Variants in NEGR1 observed in about 807,000 individuals in gnomAD.
The protein encoded by NEGR1 is neuronal growth regulator 1.
A neutral mutation model predicts 40.9 loss-of-function variants in NEGR1; 10 were observed. The ratio of observed to expected loss-of-function variants is 0.24; its 90% CI spans 0.15 to 0.42. The LOEUF (loss-of-function observed/expected upper bound fraction) is 0.42. NEGR1 is among the 10% of genes least tolerant of loss of function. The pLI is 1.00. For missense variants in NEGR1, 352 were observed against 438.9 expected, an observed-to-expected ratio of 0.80 and a Z score of 1.77; for synonymous variants, 185 against 166.8, an observed-to-expected ratio of 1.11 and a Z score of -0.84.
At chr1:72,003,057 A>G (rs1242252321) in intron 1 of NEGR1, among the ~76,000 whole-genome samples, 1 of 152,152 alleles carries the variant, frequency 6.6e-6, no homozygotes. Flanking sequence ...AGCAAATTAA[A>G]ACCAAAAAAC....
intron 3 of NEGR1, among the ~76,000 whole-genome samples, chr1:71,748,786 A>C (rs758241340): frequency 6.6e-6 from 1 of 152,164 alleles, no homozygotes; most frequent in Admixed American, 6.5e-5. Context: ...GGCATGAAAA[A>C]ATGGACAGTG....
chr1:71,760,154 T>C (rs958870964), intron 3 of NEGR1, among the ~76,000 whole-genome samples: 1 of 152,076 alleles, frequency 6.6e-6, no homozygotes, highest in Non-Finnish European at 1.5e-5. Context: ...TAAAATTCCA[T>C]AAGAAAAAAA....
intron 3 of NEGR1, among the ~76,000 whole-genome samples, chr1:71,705,301 G>A (rs1653851453): frequency 6.6e-6 from 1 of 151,894 alleles, no homozygotes; most frequent in Non-Finnish European, 1.5e-5. Context: ...CGATTTAGAA[G>A]GAAACAAAGA....
At chr1:71,476,736 A>G (rs1451805164) in intron 6 of NEGR1, 2 of 152,068 alleles carry the variant, frequency 1.3e-5, no homozygotes, top group Non-Finnish European at 2.9e-5. Flanking sequence ...GTTACATATT[A>G]ATACTGGGAC....
chr1:71,765,556 T>G (rs1656092111), intron 3 of NEGR1, among the ~76,000 whole-genome samples: 1 of 152,088 alleles, frequency 6.6e-6, no homozygotes, highest in South Asian at 2.1e-4. Flanking sequence ...CCACAATTAC[T>G]TTTGCACCAA....
intron 4 of NEGR1, among the ~76,000 whole-genome samples, chr1:71,686,543 A>G (rs548734290): frequency 6.6e-6 from 1 of 152,286 alleles, no homozygotes; most frequent in East Asian, 1.9e-4. Context: ...GAAGTTTTAT[A>G]GGCCTTGCCT....
At chr1:71,610,957 T>C in intron 5 of NEGR1, 69 bp downstream of exon 5, 1 of 1,519,040 alleles carries the variant, frequency 6.6e-7, no homozygotes, top group Admixed American at 1.8e-5. Flanking sequence ...TTGCCTAAAG[T>C]AAGTATCTGA....
chr1:71,780,992 A>T (rs746127989), intron 2 of NEGR1, among the ~76,000 whole-genome samples: 2 of 152,204 alleles, frequency 1.3e-5, no homozygotes, highest in Non-Finnish European at 2.9e-5. Flanking sequence ...ATTTTGGATT[A>T]TTCTCCACTG....
intron 4 of NEGR1, among the ~76,000 whole-genome samples, chr1:71,649,660 T>C (rs1447905608): frequency 6.6e-6 from 1 of 152,170 alleles, no homozygotes. Flanking sequence ...TATTTTTCTC[T>C]TTATTCTGTA....
chr1:71,931,073 AC>A (rs1195727741), intron 2 of NEGR1, among the ~76,000 whole-genome samples: 23 of 152,252 alleles, frequency 1.5e-4, no homozygotes, highest in African/African-American at 4.8e-4. Flanking sequence ...AAATAAGCCC[AC>A]CCTTGATAAG....
At chr1:71,883,901 T>C (rs1176557226) in intron 2 of NEGR1, among the ~76,000 whole-genome samples, 1 of 152,104 alleles carries the variant, frequency 6.6e-6, no homozygotes, top group Non-Finnish European at 1.5e-5. Context: ...AAAACACCAA[T>C]TGTCATTGTT....
intron 4 of NEGR1, among the ~76,000 whole-genome samples, chr1:71,646,691 C>T (rs1651542014): frequency 1.3e-5 from 2 of 151,770 alleles, no homozygotes; most frequent in Non-Finnish European, 2.9e-5. Flanking sequence ...CAAGCCATAA[C>T]TGAGTCTGTT....
chr1:71,793,865 A>G (rs1052864239), intron 2 of NEGR1, among the ~76,000 whole-genome samples: 2 of 152,178 alleles, frequency 1.3e-5, no homozygotes, highest in Admixed American at 6.6e-5. Flanking sequence ...ATTTATAACA[A>G]AAAGTTGCAA....
At chr1:71,791,632 A>G (rs1022759391) in intron 2 of NEGR1, among the ~76,000 whole-genome samples, 3 of 152,160 alleles carry the variant, frequency 2.0e-5, no homozygotes, top group Non-Finnish European at 4.4e-5. Flanking sequence ...TATTGAGATC[A>G]TGAAGAGGAA....
chr1:71,822,292 C>T (rs1355918764), intron 2 of NEGR1, among the ~76,000 whole-genome samples: 1 of 151,812 alleles, frequency 6.6e-6, no homozygotes, highest in African/African-American at 2.4e-5. Flanking sequence ...TAGGATTGCA[C>T]AAAATGAGAA....
At chr1:72,218,528 C>T (rs780079526) in intron 1 of NEGR1, among the ~76,000 whole-genome samples, 4 of 151,782 alleles carry the variant, frequency 2.6e-5, no homozygotes, top group African/African-American at 4.8e-5. Context: ...CTTAAATGTA[C>T]AAAATGTGTG....
chr1:71,418,145 A>G (rs1280963674), intron 6 of NEGR1, among the ~76,000 whole-genome samples: 1 of 149,112 alleles, frequency 6.7e-6, no homozygotes, highest in African/African-American at 2.5e-5. Context: ...TTGTGTTGAG[A>G]TAGACCTTTC....
rs564023347 is a variant in NEGR1, at chr1:72,260,321, C to T, written c.176+21998G>A. 7.2e-5 allele frequency among the ~76,000 whole-genome samples: 11 copies of T among 152,098 alleles called. No homozygotes were observed. The South Asian group carries it at 2.3e-3, about 32-fold the overall frequency. ...GGATTTTATTCTCTATTGATAAGCC[C>T]AATTTTTACAAAGGATATTTCTGAA... On this transcript the variant is annotated intron_variant, in intron 1 of 6. Coordinates refer to ENST00000357731, the MANE Select transcript of NEGR1 (RefSeq NM_173808.3).
intron 1 of NEGR1, among the ~76,000 whole-genome samples, chr1:72,214,281 A>T (rs1039503341): frequency 1.3e-5 from 2 of 152,132 alleles, no homozygotes; most frequent in Non-Finnish European, 2.9e-5. Flanking sequence ...CAAAAGCTGG[A>T]AGGATTCCTT....
Sources: allele counts gnomAD v4.1 joint callset (sites outside exome capture counted in the v4.1 genomes callset), GRCh38; gene constraint gnomAD v4.1.1; transcripts MANE v1.5; gene names NCBI Gene and HGNC (gene_info 2026-07-23, HGNC 2026-07-21).